The following CNTN4 variants were observed in gnomAD, a reference collection of about 807,000 sequenced individuals.
CNTN4 encodes the protein contactin 4.
In CNTN4, 77 loss-of-function variants were observed where a neutral mutation model predicts 122.5. The ratio of observed to expected loss-of-function variants is 0.63; its 90% CI spans 0.52 to 0.76. The LOEUF is 0.76. CNTN4 is among the 30% of genes least tolerant of loss of function. The pLI is 0.00. For missense variants in CNTN4, 1,256 were observed against 1,259.1 expected (o/e 1.00, Z 0.04); for synonymous variants, 512 against 447.0 (o/e 1.15, Z -1.83).
intron 2 of CNTN4, among the ~76,000 whole-genome samples, chr3:2,294,966 T>C (rs977526933): frequency 6.6e-6 from 1 of 152,108 alleles, no homozygotes; most frequent in African/African-American, 2.4e-5. Context: ...CTGAGAATGA[T>C]GGTTTCCAAT....
chr3:3,051,687 T>C (rs1403758640), intron 23 of CNTN4, among the ~76,000 whole-genome samples: 2 of 152,230 alleles, frequency 1.3e-5, no homozygotes, highest in Non-Finnish European at 2.9e-5. Flanking sequence ...GGGACACTTA[T>C]GAATCTTTCT....
intron 2 of CNTN4, among the ~76,000 whole-genome samples, chr3:2,201,533 CA>C: frequency 6.6e-6 from 1 of 152,208 alleles, no homozygotes; most frequent in South Asian, 2.1e-4. Context: ...CTTCTTCCTC[CA>C]GTGACTACTT....
intron 4 of CNTN4, among the ~76,000 whole-genome samples, chr3:2,603,126 A>T (rs1001701692): frequency 1.4e-4 from 20 of 143,188 alleles, no homozygotes; most frequent in Admixed American, 4.9e-4. Flanking sequence ...AAAAAAAAAA[A>T]TTTCTGAGAA....
At chr3:2,426,776 A>C (rs556505352) in intron 3 of CNTN4, among the ~76,000 whole-genome samples, 1 of 152,056 alleles carries the variant, frequency 6.6e-6, no homozygotes, top group African/African-American at 2.4e-5. Flanking sequence ...CAGGGATTCA[A>C]CTTCTTCCTG....
At chr3:2,593,896 G>C (rs1364048436) in intron 4 of CNTN4, among the ~76,000 whole-genome samples, 2 of 152,066 alleles carry the variant, frequency 1.3e-5, no homozygotes, top group Non-Finnish European at 2.9e-5. Flanking sequence ...GTTCCAAGCA[G>C]TTATATTTAT....
chr3:2,455,089 G>A (rs925472648), intron 3 of CNTN4, among the ~76,000 whole-genome samples: 4 of 152,128 alleles, frequency 2.6e-5, no homozygotes, highest in South Asian at 2.1e-4. Flanking sequence ...ACTAATCATC[G>A]CTGGATTGCT....
chr3:2,618,312 T>A (rs2081856865), intron 4 of CNTN4, among the ~76,000 whole-genome samples: 1 of 152,174 alleles, frequency 6.6e-6, no homozygotes, highest in South Asian at 2.1e-4. Context: ...TATGTATGTA[T>A]AATATGTGTA....
chr3:2,210,591 G>A (rs191479509), intron 2 of CNTN4, among the ~76,000 whole-genome samples: 61 of 152,268 alleles, frequency 4.0e-4, no homozygotes, highest in African/African-American at 1.3e-3. Context: ...CCATGTCTTA[G>A]CCTTGGGTTC....
chr3:2,380,160 G>A (rs1424206058), intron 3 of CNTN4, among the ~76,000 whole-genome samples: 7 of 151,728 alleles, frequency 4.6e-5, no homozygotes, highest in Non-Finnish European at 7.4e-5. Context: ...AAATAAAAAT[G>A]TCATTCTCTT....
At chr3:2,225,377 G>T (rs1050464815) in intron 2 of CNTN4, among the ~76,000 whole-genome samples, 2 of 151,862 alleles carry the variant, frequency 1.3e-5, no homozygotes, top group Admixed American at 6.6e-5. Flanking sequence ...AGCCGGGTGT[G>T]GTGGTGGGCG....
chr3:2,369,762 C>A (rs969746525), intron 3 of CNTN4, among the ~76,000 whole-genome samples: 18 of 152,142 alleles, frequency 1.2e-4, no homozygotes, highest in African/African-American at 4.3e-4. Flanking sequence ...GTAGAAATTA[C>A]AAAACTTGTC....
At chr3:2,367,012 A>G (rs1440014018) in intron 3 of CNTN4, among the ~76,000 whole-genome samples, 2 of 152,144 alleles carry the variant, frequency 1.3e-5, no homozygotes, top group East Asian at 3.8e-4. Flanking sequence ...CCTCTGATTT[A>G]ATATATGTGG....
chr3:2,201,352 C>A (rs1353574312), intron 2 of CNTN4, among the ~76,000 whole-genome samples: 10 of 152,124 alleles, frequency 6.6e-5, no homozygotes, highest in Admixed American at 1.3e-4. Flanking sequence ...AAATATTTAA[C>A]CAGCAGTAAA....
chr3:2,470,680 GTC>G (rs1447013241), intron 3 of CNTN4, among the ~76,000 whole-genome samples: 3 of 152,070 alleles, frequency 2.0e-5, no homozygotes, highest in Admixed American at 6.5e-5. Context: ...GACTCTAATA[GTC>G]TCTAACCCAT....
At chr3:2,243,089 A>G (rs886459484) in intron 2 of CNTN4, among the ~76,000 whole-genome samples, 3 of 152,098 alleles carry the variant, frequency 2.0e-5, no homozygotes, top group African/African-American at 7.2e-5. Context: ...GTATTTGTAT[A>G]CTTCCATACT....
chr3:2,932,030 T>C (rs1183910604), intron 13 of CNTN4, among the ~76,000 whole-genome samples: 1 of 150,734 alleles, frequency 6.6e-6, no homozygotes, highest in African/African-American at 2.4e-5. Context: ...GTGTGCTGCA[T>C]GTGCGTGCAT....
At chr3:2,499,842 A>G (rs942643735) in intron 3 of CNTN4, among the ~76,000 whole-genome samples, 52 of 152,230 alleles carry the variant, frequency 3.4e-4, no homozygotes, top group African/African-American at 1.2e-3. Flanking sequence ...TCTTTTTTAC[A>G]TTGACCCTTC....
At position 2,900,642 on chromosome 3, in the gene CNTN4, C is replaced by T. The variant is rs376839142; in HGVS notation, c.941-43C>T. On this transcript the variant is annotated intron_variant, in intron 10 of 24. Transcript: ENST00000418658. Reference sequence around the variant, plus strand: ...GAATATGATAAAAATAGATTGAGTACACACTGAATATACACCTTTCTTTGC... The same window carrying T: ...GAATATGATAAAAATAGATTGAGTATACACTGAATATACACCTTTCTTTGC... The T allele has an allele frequency of 3.2e-5, 52 of 1,601,220 alleles. No individual in the cohort carries two copies. In the African/African-American group the frequency reaches 4.8e-4, roughly 15 times the overall value.
At chr3:2,827,395 C>T (rs565895561) in intron 7 of CNTN4, among the ~76,000 whole-genome samples, 1 of 152,134 alleles carries the variant, frequency 6.6e-6, no homozygotes, top group Non-Finnish European at 1.5e-5. Context: ...GTTAAAACTT[C>T]CAGACACTCC....
Sources: allele counts gnomAD v4.1 joint callset (sites outside exome capture counted in the v4.1 genomes callset), GRCh38; gene constraint gnomAD v4.1.1; transcripts MANE v1.5; gene names NCBI Gene and HGNC (gene_info 2026-07-23, HGNC 2026-07-21).